The following CCDC126 variants were observed in gnomAD, a reference collection of about 807,000 sequenced individuals.
The protein encoded by CCDC126 is coiled-coil domain-containing protein 126.
In CCDC126, 5 loss-of-function variants were observed where a neutral mutation model predicts 11.7. The ratio of observed to expected loss-of-function variants is 0.43; its 90% CI spans 0.22 to 0.90. The LOEUF is 0.90. Ranked by LOEUF, CCDC126 falls within the 40% of genes least tolerant of loss-of-function variation. The probability of loss-of-function intolerance (pLI) is 0.27; values close to 1 mark genes in which losing one functional copy is unlikely to be tolerated. For synonymous variants in CCDC126, 60 were observed against 61.9 expected (o/e 0.97, Z 0.14); for missense variants, 150 against 163.1 (o/e 0.92, Z 0.44).
intron 3 of CCDC126, among the ~76,000 whole-genome samples, chr7:23,623,844 T>C (rs927944407): frequency 6.6e-6 from 1 of 152,194 alleles, no homozygotes. Context: ...ACCCATAAAT[T>C]TATACAATTA....
rs557163432 is a variant in CCDC126 at position 23,615,041 on chromosome 7, A to T, written c.238+3488A>T. Among the ~76,000 whole-genome samples, 136 of 152,324 alleles carry T rather than the reference A, an allele frequency of 8.9e-4. 1 individual carries two copies. The highest frequency in any genetic ancestry group is 3.0e-3 in the African/African-American group (126 of 41,584). ...GTCAGCCTGTCATTTGAAGCTTTGAAGTCAGGCATTGACTTCTCACTAGCT... is the reference window on the plus strand; with the variant it reads ...GTCAGCCTGTCATTTGAAGCTTTGATGTCAGGCATTGACTTCTCACTAGCT... On this transcript the variant is annotated intron_variant, in intron 3 of 3. Transcript: ENST00000307471.
intron 3 of CCDC126, among the ~76,000 whole-genome samples, chr7:23,642,340 T>A (rs1562501480): frequency 6.6e-6 from 1 of 152,156 alleles, no homozygotes; most frequent in Non-Finnish European, 1.5e-5. Flanking sequence ...GTAAATGAGT[T>A]ACTCACAGCG....
At chr7:23,632,367 A>G (rs1783131171) in intron 3 of CCDC126, among the ~76,000 whole-genome samples, 1 of 152,232 alleles carries the variant, frequency 6.6e-6, no homozygotes, top group South Asian at 2.1e-4. Context: ...AAGTGCTGGG[A>G]TTACAGGCAT....
At chr7:23,631,448 G>T (rs1436522455) in intron 3 of CCDC126, among the ~76,000 whole-genome samples, 1 of 152,112 alleles carries the variant, frequency 6.6e-6, no homozygotes, top group South Asian at 2.1e-4. Flanking sequence ...ATATGAAATA[G>T]ATAATTTGAA....
At chr7:23,642,634 G>A (rs1013375764) in intron 3 of CCDC126, among the ~76,000 whole-genome samples, 3 of 151,750 alleles carry the variant, frequency 2.0e-5, no homozygotes, top group African/African-American at 7.3e-5. Flanking sequence ...GTGGTGGTGG[G>A]CGCCTGTAAT....
intron 3 of CCDC126, among the ~76,000 whole-genome samples, chr7:23,614,083 T>G (rs1390595407): frequency 1.3e-5 from 2 of 152,168 alleles, no homozygotes; most frequent in East Asian, 3.9e-4. Context: ...AATGAGACAA[T>G]AATGAAGTTT....
At chr7:23,621,227 C>T (rs1008568608) in intron 3 of CCDC126, among the ~76,000 whole-genome samples, 2 of 152,202 alleles carry the variant, frequency 1.3e-5, no homozygotes, top group Non-Finnish European at 2.9e-5. Context: ...AATGTTCTTC[C>T]ATTTGTTTGT....
At chr7:23,638,222 C>A (rs1377587212) in intron 3 of CCDC126, among the ~76,000 whole-genome samples, 1 of 151,998 alleles carries the variant, frequency 6.6e-6, no homozygotes, top group Non-Finnish European at 1.5e-5. Context: ...GTGTGCCTAG[C>A]GACTCATTGG....
intron 3 of CCDC126, among the ~76,000 whole-genome samples, chr7:23,630,953 T>A (rs562388329): frequency 6.6e-6 from 1 of 151,564 alleles, no homozygotes; most frequent in South Asian, 2.1e-4. Flanking sequence ...TCAAGGGAAA[T>A]GAATACAAAT....
intron 3 of CCDC126, 125 bp from the exon 4 acceptor site, chr7:23,642,806 G>T: frequency 1.4e-6 from 1 of 708,884 alleles, no homozygotes. Flanking sequence ...TAGTATGAGT[G>T]CATTCTCTCT....
intron 2 of CCDC126, chr7:23,604,250 T>C (rs1309388285): frequency 6.6e-6 from 1 of 152,224 alleles, no homozygotes. Context: ...CTGACTGTTA[T>C]TAACTGAATG....
chr7:23,600,550 T>C (rs1212617338), intron 2 of CCDC126, among the ~76,000 whole-genome samples: 2 of 152,190 alleles, frequency 1.3e-5, no homozygotes, highest in Non-Finnish European at 2.9e-5. Context: ...ACATACTGTG[T>C]CTTTTTGTAG....
intron 3 of CCDC126, among the ~76,000 whole-genome samples, chr7:23,640,992 G>GTTTTTTTTTTTTTTTTTT (rs70954400): frequency 8.1e-6 from 1 of 123,234 alleles, no homozygotes. Context: ...AATCCTTTTG[G>GTTTTTTTTTTTTTTTTTT]TTTTTTTTTT....
chr7:23,641,359 T>G (rs1783353030), intron 3 of CCDC126, among the ~76,000 whole-genome samples: 1 of 152,226 alleles, frequency 6.6e-6, no homozygotes, highest in Admixed American at 6.5e-5. Context: ...TGATTTATCT[T>G]TTTGTTCGTG....
intron 2 of CCDC126, among the ~76,000 whole-genome samples, chr7:23,598,671 C>T (rs1273199596): frequency 1.3e-5 from 2 of 152,238 alleles, no homozygotes; most frequent in Non-Finnish European, 2.9e-5. Flanking sequence ...CTTTTTTCTA[C>T]ATCTGTCTGC....
At chr7:23,601,155 A>G (rs1782535045) in intron 2 of CCDC126, among the ~76,000 whole-genome samples, 2 of 152,136 alleles carry the variant, frequency 1.3e-5, no homozygotes, top group South Asian at 4.1e-4. Context: ...AAGCTGAGGC[A>G]GGAAGATCGC....
chr7:23,631,244 GA>G (rs1477074784), intron 3 of CCDC126, among the ~76,000 whole-genome samples: 2 of 151,848 alleles, frequency 1.3e-5, no homozygotes, highest in Non-Finnish European at 2.9e-5. Flanking sequence ...AAAAAAAAGG[GA>G]CAAACTTATG....
chr7:23,627,539 C>T (rs1484618842), intron 3 of CCDC126, among the ~76,000 whole-genome samples: 1 of 151,486 alleles, frequency 6.6e-6, no homozygotes, highest in Non-Finnish European at 1.5e-5. Context: ...TGCACTCCAG[C>T]CTGGGTGACG....
chr7:23,615,461 C>A (rs533261158), intron 3 of CCDC126, among the ~76,000 whole-genome samples: 1 of 152,320 alleles, frequency 6.6e-6, no homozygotes, highest in South Asian at 2.1e-4. Context: ...TCTTATTGTT[C>A]ATGTGTTCCC....
Sources: allele counts gnomAD v4.1 joint callset (sites outside exome capture counted in the v4.1 genomes callset), GRCh38; gene constraint gnomAD v4.1.1; transcripts MANE v1.5; gene names NCBI Gene and HGNC (gene_info 2026-07-23, HGNC 2026-07-21).